DDX60L: variants seen among roughly 807,000 people sequenced by gnomAD.
DDX60L encodes the protein DExD/H-box 60 like.
DDX60L carries 191 observed loss-of-function variants against 211.6 expected under a neutral mutation model. The observed-to-expected ratio is 0.90, with a 90% CI of 0.80 to 1.02. The LOEUF (loss-of-function observed/expected upper bound fraction) is 1.02, where lower values mean the gene tolerates loss of function less well. DDX60L is among the 50% of genes least tolerant of loss of function. The pLI is 0.00. For synonymous variants in DDX60L, 706 were observed against 694.1 expected (o/e 1.02, Z -0.27); for missense variants, 2,007 against 1,984.1 (o/e 1.01, Z -0.22).
chr4:168,390,011 T>C, intron 29 of DDX60L: 1 of 274,478 alleles, frequency 3.6e-6, no homozygotes, highest in Non-Finnish European at 5.6e-6. Context: ...ACATTTGGGA[T>C]GATGAGGTGG....
chr4:168,420,642 GAGATAGATAGAT>G lies in DDX60L; in HGVS notation c.2395-274_2395-263del, dbSNP rs3068291. 2.6e-3 allele frequency among the ~76,000 whole-genome samples: 353 copies of G among 136,540 alleles called. 1 individual carries two copies. The highest frequency in any genetic ancestry group is 7.2e-3 in the Middle Eastern group (2 of 278). 89.6% of individuals were successfully genotyped at this position (136,540 alleles called of 152,430 possible). Reference sequence around the variant, plus strand: ...CACACACACACACACACACACACATGAGATAGATAGATAGATAGATAGATAGATAGATAGATA... The same window carrying G: ...CACACACACACACACACACACACATGAGATAGATAGATAGATAGATAGATA... On this transcript the variant is annotated intron_variant, in intron 17 of 37. Transcript: ENST00000682922.
intron 1 of DDX60L, among the ~76,000 whole-genome samples, chr4:168,477,391 G>C (rs1759717708): frequency 2.0e-5 from 3 of 151,860 alleles, no homozygotes; most frequent in Admixed American, 1.3e-4. Context: ...CTCCAGCCTG[G>C]GCGACAGAGC....
In DDX60L at chr4:168,420,381, C is replaced by A. The variant is rs1418198652; in HGVS notation, c.2395-1G>T. 3 of 1,602,374 alleles carry A rather than the reference C, an allele frequency of 1.9e-6. No homozygotes were observed. Among genetic ancestry groups the A allele is most frequent in the East Asian group, 2.2e-5 (1 of 44,768 alleles). ...TTGCAGCCACTTGACCAACAAGGGACTGATTGACAAGAAAAAAAACCATTA... is the reference window on the plus strand; with the variant it reads ...TTGCAGCCACTTGACCAACAAGGGAATGATTGACAAGAAAAAAAACCATTA... On this transcript the variant is annotated splice_acceptor_variant, in intron 17 of 37. Transcript: ENST00000682922. LOFTEE classifies it high-confidence loss of function.
Position 168,388,152 on chromosome 4 carries a change from A to G in DDX60L, c.3916-3340T>C, listed in dbSNP as rs75591516. 6.5e-4 allele frequency among the ~76,000 whole-genome samples: 99 copies of G among 152,362 alleles called. 4 individuals carry two copies. In the East Asian group the frequency reaches 0.016, roughly 24 times the overall value. On this transcript the variant is annotated intron_variant, in intron 29 of 37. Transcript: ENST00000682922. Reference sequence around the variant, plus strand: ...TCCTTAATGGAATTTACAAGAGCACATAACAAGAACAGTGAAAGAACAAGC... The same window carrying G: ...TCCTTAATGGAATTTACAAGAGCACGTAACAAGAACAGTGAAAGAACAAGC...
intron 8 of DDX60L, among the ~76,000 whole-genome samples, chr4:168,450,408 A>G (rs1251512446): frequency 2.0e-5 from 3 of 152,018 alleles, no homozygotes; most frequent in Non-Finnish European, 4.4e-5. Context: ...TTGTCCTTAA[A>G]AACTCTGATC....
rs1304288079 is a variant in DDX60L at position 168,415,813 on chromosome 4, C to T, written c.2727-14G>A. The T allele has an allele frequency of 6.7e-7, 1 of 1,495,916 alleles. No homozygotes were observed. Among genetic ancestry groups the T allele is most frequent in the African/African-American group, 1.4e-5 (1 of 70,526 alleles). 92.7% of individuals were successfully genotyped at this position (1,495,916 alleles called of 1,614,324 possible). ...GATTGCAGCCACCTTACAGAATAAA[C>T]ATGCATATAATTTAAATAAAATATA... On this transcript the variant is annotated splice_polypyrimidine_tract_variant and intron_variant, in intron 20 of 37. Coordinates refer to ENST00000682922, the MANE Select transcript of DDX60L (RefSeq NM_001012967.3).
chr4:168,370,868 T>C (rs1449946042), intron 36 of DDX60L, among the ~76,000 whole-genome samples: 4 of 150,280 alleles, frequency 2.7e-5, no homozygotes, highest in African/African-American at 1.0e-4. Context: ...CTTGTTTCCA[T>C]GGCTAAATTC....
At chr4:168,366,212 T>C (rs1322186309) in intron 36 of DDX60L, among the ~76,000 whole-genome samples, 1 of 152,090 alleles carries the variant, frequency 6.6e-6, no homozygotes, top group African/African-American at 2.4e-5. Flanking sequence ...GTCCCTGTTT[T>C]CAGACAAGAT....
rs549394955 is a variant in DDX60L, at chr4:168,424,507, C to T, written c.1931-733G>A. ...CACCAATGTATGCTTTAAGGAAGTA[C>T]AAATGAAATTTAAGACAGAGTTCTT... is the stretch of plus-strand genomic sequence containing the variant. On this transcript the variant is annotated intron_variant, in intron 14 of 37. Transcript: ENST00000682922. 3.5e-4 allele frequency among the ~76,000 whole-genome samples: 53 copies of T among 152,240 alleles called. No individual in the cohort carries two copies. In the South Asian group the frequency reaches 7.3e-3, roughly 21 times the overall value.
At chr4:168,467,040 T>C (rs1758080332) in intron 4 of DDX60L, among the ~76,000 whole-genome samples, 3 of 152,218 alleles carry the variant, frequency 2.0e-5, no homozygotes, top group African/African-American at 7.2e-5. Context: ...AGCTTACATA[T>C]AAACTGTTGG....
intron 1 of DDX60L, among the ~76,000 whole-genome samples, chr4:168,475,720 C>T (rs905227871): frequency 1.3e-5 from 2 of 151,874 alleles, no homozygotes. Context: ...TTATGTCCCC[C>T]CAAAATTCAT....
At position 168,422,665 on chromosome 4, in the gene DDX60L, T is replaced by C. The variant is rs1750822483; in HGVS notation, c.2103A>G (p.Gly701=). The part of the protein sequence containing the change: ...LANSLDPTLI[G]DDKNKKKYSI... ...AATATTTCTTCTTATTTTTGTCATC[T>C]CCTATCTGTTATTTTAATATATTAT... Residue 701 remains glycine, a synonymous_variant, in exon 16 of 38, where the codon GGA becomes GGG. Coordinates refer to ENST00000682922, the MANE Select transcript of DDX60L (RefSeq NM_001012967.3). 1 of 1,576,318 alleles carries C rather than the reference T, an allele frequency of 6.3e-7. No individual in the cohort carries two copies. Among genetic ancestry groups the C allele is most frequent in the Non-Finnish European group, 8.6e-7 (1 of 1,161,018 alleles).
In DDX60L at chr4:168,461,928, C is replaced by A. The variant is rs1421683086; in HGVS notation, c.377G>T (p.Cys126Phe). The A allele has an allele frequency of 6.2e-7, 1 of 1,612,508 alleles. No homozygotes were observed. Among genetic ancestry groups the A allele is most frequent in the East Asian group, 2.2e-5 (1 of 44,834 alleles). ...GAATAACTTCCAATCTTGTGATAAG[C>A]ATCCAGAAAACTCCGTTTGCACATC... ...NIDVQTEFSG[C>F]LSQDWKLFLE... Residue 126 changes from cysteine to phenylalanine, a missense_variant, in exon 5 of 38, where the codon TGC becomes TTC. Coordinates refer to ENST00000682922, the MANE Select transcript of DDX60L (RefSeq NM_001012967.3).
At position 168,415,522 on chromosome 4, in the gene DDX60L, A is replaced by T. The variant is rs1749401171; in HGVS notation, c.2870-5T>A. The T allele has an allele frequency of 1.3e-6, 2 of 1,548,412 alleles. No individual in the cohort carries two copies. The highest frequency in any genetic ancestry group is 1.4e-5 in the African/African-American group (1 of 73,436). Reference sequence around the variant, plus strand: ...TGTATCTCTCTCCACAGAGCACTAGATACGAAGAGCAAGAATATCCAAATT... The same window carrying T: ...TGTATCTCTCTCCACAGAGCACTAGTTACGAAGAGCAAGAATATCCAAATT... On this transcript the variant is annotated splice_region_variant and splice_polypyrimidine_tract_variant and intron_variant, in intron 21 of 37. Coordinates refer to ENST00000682922, the MANE Select transcript of DDX60L (RefSeq NM_001012967.3).
At chr4:168,384,369 C>G (rs1444653460) in intron 30 of DDX60L, among the ~76,000 whole-genome samples, 1 of 152,046 alleles carries the variant, frequency 6.6e-6, no homozygotes, top group Non-Finnish European at 1.5e-5. Context: ...CACCTGTAGT[C>G]CCAGCTACTT....
chr4:168,422,357 G>A (rs1207081745), intron 16 of DDX60L, among the ~76,000 whole-genome samples, 167 bp downstream of exon 16: 1 of 152,136 alleles, frequency 6.6e-6, no homozygotes, highest in Admixed American at 6.5e-5. Context: ...CCAAGAAGGG[G>A]AAGAAATGAA....
At chr4:168,414,690 G>C (rs1364730497) in intron 22 of DDX60L, among the ~76,000 whole-genome samples, 2 of 151,948 alleles carry the variant, frequency 1.3e-5, no homozygotes, top group African/African-American at 4.8e-5. Flanking sequence ...AAAAAAATAA[G>C]ATCCTATCGT....
intron 5 of DDX60L, among the ~76,000 whole-genome samples, chr4:168,459,454 G>A (rs1757011051): frequency 6.6e-6 from 1 of 151,888 alleles, no homozygotes; most frequent in African/African-American, 2.4e-5. Flanking sequence ...TTCTCAATAT[G>A]AAAATAAAGT....
At chr4:168,460,099 A>G (rs1275162509) in intron 5 of DDX60L, among the ~76,000 whole-genome samples, 1 of 152,228 alleles carries the variant, frequency 6.6e-6, no homozygotes, top group Non-Finnish European at 1.5e-5. Flanking sequence ...ATAAAAAGTA[A>G]AAATATGAAT....
Sources: allele counts gnomAD v4.1 joint callset (sites outside exome capture counted in the v4.1 genomes callset), GRCh38; gene constraint gnomAD v4.1.1; transcripts MANE v1.5; gene names NCBI Gene and HGNC (gene_info 2026-07-23, HGNC 2026-07-21).